The following MYO1E variants were observed in gnomAD, a reference collection of about 807,000 sequenced individuals.
MYO1E encodes the protein myosin IE, also known as unconventional myosin-Ie.
In MYO1E, 68 loss-of-function variants were observed where a neutral mutation model predicts 151.1. The observed-to-expected ratio is 0.45, with a 90% CI of 0.37 to 0.55. The LOEUF is 0.55. MYO1E is among the 20% of genes least tolerant of loss of function. MYO1E has a pLI of 0.00. For missense variants in MYO1E, 1,363 were observed against 1,389.3 expected (o/e 0.98, Z 0.30); for synonymous variants, 601 against 501.7 (o/e 1.20, Z -2.64).
At chr15:59,229,328 G>A (rs117001044) in intron 6 of MYO1E, among the ~76,000 whole-genome samples, 2 of 152,106 alleles carry the variant, frequency 1.3e-5, no homozygotes, top group Admixed American at 6.5e-5. Context: ...ACCAGGGCCC[G>A]GAGCTGTGTG....
At chr15:59,167,854 T>C (rs1433697699) in intron 22 of MYO1E, among the ~76,000 whole-genome samples, 1 of 152,042 alleles carries the variant, frequency 6.6e-6, no homozygotes, top group Admixed American at 6.5e-5. Context: ...TTTTTTTGTA[T>C]TTTTAGTAGA....
intron 1 of MYO1E, among the ~76,000 whole-genome samples, chr15:59,286,377 A>G (rs1248178240): frequency 1.3e-5 from 2 of 152,244 alleles, no homozygotes; most frequent in African/African-American, 2.4e-5. Flanking sequence ...GCATATCTGA[A>G]TAAGAACTCA....
Position 59,138,363 on chromosome 15 carries a change from T to A in MYO1E, c.3085A>T (p.Arg1029Trp). The A allele has an allele frequency of 6.2e-7, 1 of 1,613,998 alleles. No homozygotes were observed. The highest frequency in any genetic ancestry group is 8.5e-7 in the Non-Finnish European group (1 of 1,179,918). The change falls in exon 27 of 28, where the codon AGG (arginine) becomes TGG (tryptophan). Residue 1029 changes from arginine (R) to tryptophan (W), a missense_variant. Arg to Trp is a moderately radical substitution (Grantham distance 101). Transcript: ENST00000288235. Reference sequence around the variant, plus strand: ...GGAGGCCGACTGGTTGTTTGTCTCCTGACCCTGTGGAGAGAGTGGAGCAGA... The same window carrying A: ...GGAGGCCGACTGGTTGTTTGTCTCCAGACCCTGTGGAGAGAGTGGAGCAGA... Reference protein sequence around the residue: ...KVPDQGAAGVRRQTTSRPPPA... With the variant: ...KVPDQGAAGVWRQTTSRPPPA...
At chr15:59,336,602 TTTTG>T (rs2080730176) in intron 1 of MYO1E, among the ~76,000 whole-genome samples, 1 of 152,146 alleles carries the variant, frequency 6.6e-6, no homozygotes, top group Admixed American at 6.6e-5. Context: ...TTTTGTTTTG[TTTTG>T]TTTTTTAATT....
At position 59,272,366 on chromosome 15, in the gene MYO1E, C is replaced by T; in HGVS notation, c.87G>A (p.Lys29=). The change falls in exon 2 of 28, where the codon AAG becomes AAA. Residue 29 remains lysine, a synonymous_variant. Coordinates refer to ENST00000288235, the MANE Select transcript of MYO1E (RefSeq NM_004998.4). ...TCTCCACGATGGAGTTCTCTGTGAT[C>T]TTGGACAGTAGCACCATGTCGTCCA... ...SGVDDMVLLS[K]ITENSIVENL... is the part of the protein sequence containing the mutation. 1.9e-6 allele frequency: 3 copies of T among 1,614,148 alleles called. No homozygotes were observed. Among genetic ancestry groups the T allele is most frequent in the East Asian group, 2.2e-5 (1 of 44,890 alleles).
At chr15:59,265,304 C>T (rs1362089803) in intron 2 of MYO1E, among the ~76,000 whole-genome samples, 2 of 152,126 alleles carry the variant, frequency 1.3e-5, no homozygotes, top group South Asian at 2.1e-4. Context: ...CTCAGGACAA[C>T]AGACAAAGGT....
intron 18 of MYO1E, among the ~76,000 whole-genome samples, chr15:59,182,148 A>G (rs560648817): frequency 1.3e-5 from 2 of 152,320 alleles, no homozygotes; most frequent in Non-Finnish European, 2.9e-5. Context: ...TGGGGGATTG[A>G]AAATGTCCTT....
chr15:59,257,593 G>T (rs1266609753), intron 3 of MYO1E, among the ~76,000 whole-genome samples: 6 of 152,178 alleles, frequency 3.9e-5, no homozygotes, highest in Non-Finnish European at 7.3e-5. Flanking sequence ...AGAAAAGGGG[G>T]CCTGGCTGAG....
chr15:59,236,722 C>G, intron 4 of MYO1E, 50 bp from the exon 5 acceptor site: 1 of 1,457,392 alleles, frequency 6.9e-7, no homozygotes, highest in South Asian at 1.1e-5. Flanking sequence ...TTGCGACCAG[C>G]TCCCTTCCTT....
intron 19 of MYO1E, among the ~76,000 whole-genome samples, chr15:59,174,624 C>T (rs1308661415): frequency 2.6e-5 from 4 of 152,102 alleles, no homozygotes; most frequent in Non-Finnish European, 5.9e-5. Flanking sequence ...GAGGCTGTTG[C>T]TGTTGTTTGG....
At chr15:59,230,644 G>C (rs1405791117) in intron 6 of MYO1E, among the ~76,000 whole-genome samples, 1 of 152,138 alleles carries the variant, frequency 6.6e-6, no homozygotes, top group Non-Finnish European at 1.5e-5. Context: ...AAACAAATGA[G>C]TAGTTTGAAT....
chr15:59,259,185 G>A (rs1291265172), intron 3 of MYO1E, among the ~76,000 whole-genome samples: 1 of 152,176 alleles, frequency 6.6e-6, no homozygotes, highest in Admixed American at 6.5e-5. Context: ...TTGTAAAAAT[G>A]TACTTACTTG....
At chr15:59,176,394 G>A (rs1273716596) in intron 19 of MYO1E, among the ~76,000 whole-genome samples, 2 of 150,832 alleles carry the variant, frequency 1.3e-5, no homozygotes, top group Non-Finnish European at 2.9e-5. Flanking sequence ...AGGTAATTTT[G>A]TATATTCAGA....
intron 2 of MYO1E, among the ~76,000 whole-genome samples, chr15:59,262,579 G>T (rs2080230667): frequency 6.6e-6 from 1 of 152,132 alleles, no homozygotes; most frequent in African/African-American, 2.4e-5. Flanking sequence ...AGTGAGCCCA[G>T]ATCAGAGGTT....
intron 2 of MYO1E, among the ~76,000 whole-genome samples, chr15:59,263,235 G>A (rs77531134): frequency 1.3e-5 from 2 of 152,266 alleles, no homozygotes; most frequent in East Asian, 3.9e-4. Context: ...ATGAAAACCA[G>A]CCCAGGTGTT....
chr15:59,188,154 T>C lies in MYO1E; in HGVS notation c.1868A>G (p.Tyr623Cys), dbSNP rs112973782. The C allele has an allele frequency of 1.9e-6, 3 of 1,614,182 alleles. No homozygotes were observed. Among genetic ancestry groups the C allele is most frequent in the Non-Finnish European group, 1.7e-6 (2 of 1,180,030 alleles). The part of the protein sequence containing the change: ...KENIRVRRAG[Y>C]AYRRIFQKFL... ...TTTTTGGAAGATGCGCCGATAGGCA[T>C]AGCCAGCTCTTCTCACTCGAATGTT... Residue 623 changes from tyrosine (Y) to cysteine (C), a missense_variant, in exon 18 of 28, where the codon TAT (tyrosine) becomes TGT (cysteine). Tyr to Cys is a radical substitution (Grantham distance 194). Coordinates refer to ENST00000288235, the MANE Select transcript of MYO1E (RefSeq NM_004998.4).
At chr15:59,272,237 A>G in intron 2 of MYO1E, 69 bp downstream of exon 2, 2 of 1,581,244 alleles carry the variant, frequency 1.3e-6, no homozygotes, top group Non-Finnish European at 8.7e-7. Flanking sequence ...CACCCAGCAT[A>G]AAGCCACAAT....
In MYO1E at chr15:59,158,282, C is replaced by T; in HGVS notation, c.2878+5G>A. 2 of 1,561,568 alleles carry T rather than the reference C, an allele frequency of 1.3e-6. No homozygotes were observed. The highest frequency in any genetic ancestry group is 1.7e-6 in the Non-Finnish European group (2 of 1,149,184). On this transcript the variant is annotated splice_donor_5th_base_variant and intron_variant, in intron 25 of 27. Coordinates refer to ENST00000288235, the MANE Select transcript of MYO1E (RefSeq NM_004998.4). ...GTCCCAGACTACGGTACGTAGCTGG[C>T]TTACCTGGGGGAGGAGGGGCAGCTC...
chr15:59,137,460 C>T lies in MYO1E; in HGVS notation c.3251-4G>A, dbSNP rs2079380169. ...CCCGTCCACCAGCCAGAAGGATCTGCAGGGAGAGAGAGGTGGTGGAAGTGA... is the reference window on the plus strand; with the variant it reads ...CCCGTCCACCAGCCAGAAGGATCTGTAGGGAGAGAGAGGTGGTGGAAGTGA... On this transcript the variant is annotated splice_polypyrimidine_tract_variant and splice_region_variant and intron_variant, in intron 27 of 27. Transcript: ENST00000288235. The T allele has an allele frequency of 2.5e-6, 4 of 1,613,792 alleles. No individual in the cohort carries two copies. The highest frequency in any genetic ancestry group is 1.6e-4 in the Middle Eastern group (1 of 6,084).
Sources: gnomAD v4.1 joint callset for allele counts (sites outside exome capture counted in the v4.1 genomes callset) on GRCh38, gnomAD v4.1.1 for gene constraint, MANE v1.5 for transcripts, NCBI Gene and HGNC (gene_info 2026-07-23, HGNC 2026-07-21) for gene names.